IL17RA: variants seen among roughly 807,000 people sequenced by gnomAD.
IL17RA encodes the protein interleukin-17 receptor A.
In IL17RA, 34 loss-of-function variants were observed where a neutral mutation model predicts 50.4. The observed-to-expected ratio is 0.67, with a 90% CI of 0.51 to 0.90. IL17RA has a LOEUF of 0.90. IL17RA is among the 40% of genes least tolerant of loss of function. IL17RA has a pLI of 0.00. For synonymous variants in IL17RA, 585 were observed against 510.4 expected (o/e 1.15, Z -1.97); for missense variants, 1,276 against 1,169.8 (o/e 1.09, Z -1.32).
In IL17RA at chr22:17,095,575, A is replaced by G. The variant is rs184586337; in HGVS notation, c.139-1487A>G. Among the ~76,000 whole-genome samples, 382 of 152,248 alleles carry G rather than the reference A, an allele frequency of 2.5e-3. 3 individuals carry two copies. Among genetic ancestry groups the G allele is most frequent in the Non-Finnish European group, 3.8e-3 (259 of 68,010 alleles). On this transcript the variant is annotated intron_variant, in intron 1 of 12. Transcript: ENST00000319363. ...TTTGCCTTCTCTAGAAGAGTTCCCC[A>G]TCTCAAGGTGAAATAACCGCTTTTT...
rs1304084287 is a variant in IL17RA at position 17,108,523 on chromosome 22, A to G, written c.1304A>G (p.Glu435Gly). 1.9e-6 allele frequency: 3 copies of G among 1,611,274 alleles called. No homozygotes were observed. Among genetic ancestry groups the G allele is most frequent in the Admixed American group, 1.7e-5 (1 of 60,008 alleles). The change falls in exon 13 of 13, where the codon GAG (glutamate) becomes GGG (glycine). Residue 435 changes from glutamate (E) to glycine (G), a missense_variant. Glu to Gly is a moderately conservative substitution (Grantham distance 98, BLOSUM62 -2). Coordinates refer to ENST00000319363, the MANE Select transcript of IL17RA (RefSeq NM_014339.7). Reference protein sequence around the residue: ...VMTWVGRQKQEMVESNSKIIV... With the variant: ...VMTWVGRQKQGMVESNSKIIV... ...ACCTGGGTGGGCCGTCAGAAGCAGG[A>G]GATGGTGGAGAGCAACTCTAAGATC...
Position 17,110,121 on chromosome 22 carries a change from G to A in IL17RA, c.*301G>A, listed in dbSNP as rs13054753. On this transcript the variant is annotated 3_prime_UTR_variant, in exon 13 of 13. Transcript: ENST00000319363. ...TTATTGTGCACCTACTATGTGGCGG[G>A]CATTTGGGATACCAAGATAAATTGC... 0.015 allele frequency: 6,547 copies of A among 432,654 alleles called. 81 individuals are homozygous for A. The highest frequency in any genetic ancestry group is 0.048 in the Middle Eastern group (69 of 1,432). 26.8% of individuals were successfully genotyped at this position (432,654 alleles called of 1,614,324 possible). A position where few individuals can be genotyped will look rare whatever the true frequency, so the allele number is the denominator to read the frequency against.
At chr22:17,106,719 G>A (rs1021703791) in intron 11 of IL17RA, among the ~76,000 whole-genome samples, 1 of 152,152 alleles carries the variant, frequency 6.6e-6, no homozygotes, top group Non-Finnish European at 1.5e-5. Context: ...AGGATTAGGT[G>A]TTAATCATTA....
At chr22:17,100,187 A>G (rs1360935883) in intron 4 of IL17RA, among the ~76,000 whole-genome samples, 168 bp from the exon 5 acceptor site, 1 of 151,714 alleles carries the variant, frequency 6.6e-6, no homozygotes, top group African/African-American at 2.4e-5. Flanking sequence ...AGAGGAAACA[A>G]AAAACAAAGA....
intron 9 of IL17RA, 70 bp downstream of exon 9, chr22:17,104,880 C>A: frequency 7.0e-7 from 1 of 1,427,946 alleles, no homozygotes; most frequent in East Asian, 2.3e-5. Context: ...GCCTGTGCTG[C>A]GTCCTTACCT....
chr22:17,108,631 A>G lies in IL17RA; in HGVS notation c.1412A>G (p.His471Arg), dbSNP rs138446583. 2.1e-4 allele frequency: 344 copies of G among 1,605,454 alleles called. 3 individuals carry two copies. In the African/African-American group the frequency reaches 3.3e-3, roughly 15 times the overall value. The change falls in exon 13 of 13, where the codon CAC becomes CGC. Residue 471 changes from histidine (H) to arginine (R), a missense_variant. His to Arg is a conservative substitution (Grantham distance 29). Coordinates refer to ENST00000319363, the MANE Select transcript of IL17RA (RefSeq NM_014339.7). ...GCGCCTGTGCGGCTGCGCTGCGACC[A>G]CGGAAAGCCCGTGGGGGACCTGTTC... Reference protein sequence around the residue: ...RGAPVRLRCDHGKPVGDLFTA... With the variant: ...RGAPVRLRCDRGKPVGDLFTA...
At chr22:17,094,210 T>C (rs542508095) in intron 1 of IL17RA, among the ~76,000 whole-genome samples, 1 of 152,066 alleles carries the variant, frequency 6.6e-6, no homozygotes, top group South Asian at 2.1e-4. Context: ...GGTCTTAAAC[T>C]CCTGACTTCA....
intron 1 of IL17RA, among the ~76,000 whole-genome samples, chr22:17,089,644 A>T (rs2061340815): frequency 6.6e-6 from 1 of 152,186 alleles, no homozygotes; most frequent in Admixed American, 6.5e-5. Flanking sequence ...AGGCTGAGGC[A>T]AGGGAATCAC....
chr22:17,105,941 C>G lies in IL17RA; in HGVS notation c.1032C>G (p.Thr344=), dbSNP rs753127082. The G allele has an allele frequency of 6.2e-7, 1 of 1,614,020 alleles. No individual in the cohort carries two copies. The highest frequency in any genetic ancestry group is 2.2e-5 in the East Asian group (1 of 44,878). The stretch of plus-strand genomic sequence containing the variant: ...TCATCCTGCTCATCGTCTGCATGAC[C>G]TGGAGGCTAGCTGGTAAGCGCTGGG... ...GSVILLIVCM[T]WRLAGPGSEK... Residue 344 remains threonine (T), a synonymous_variant, in exon 11 of 13, where the codon ACC becomes ACG. Coordinates refer to ENST00000319363, the MANE Select transcript of IL17RA (RefSeq NM_014339.7).
chr22:17,109,714 A>C lies in IL17RA; in HGVS notation c.2495A>C (p.Asp832Ala). The C allele has an allele frequency of 1.3e-6, 2 of 1,586,584 alleles. No individual in the cohort carries two copies. The highest frequency in any genetic ancestry group is 1.7e-6 in the Non-Finnish European group (2 of 1,167,266). ...CCGGCCCTGCCACTCTCTCCCGAGG[A>C]CCTGGAGAGCCTGAGGAGCCTCCAG... ...GKPALPLSPE[D>A]LESLRSLQRQ... Residue 832 changes from aspartate (D) to alanine (A), a missense_variant, in exon 13 of 13, where the codon GAC becomes GCC. Physicochemically the swap from Asp to Ala is moderately radical, Grantham distance 126. Coordinates refer to ENST00000319363, the MANE Select transcript of IL17RA (RefSeq NM_014339.7).
chr22:17,108,937 G>C lies in IL17RA; in HGVS notation c.1718G>C (p.Arg573Thr). Residue 573 changes from arginine (R) to threonine (T), a missense_variant, in exon 13 of 13, where the codon AGG (arginine) becomes ACG (threonine). By Grantham distance (71) the Arg-to-Thr change is moderately conservative (BLOSUM62 -1). Coordinates refer to ENST00000319363, the MANE Select transcript of IL17RA (RefSeq NM_014339.7). ...GGRQLRAALD[R>T]FRDWQVRCPD... ...AGGCAGCTCCGCGCCGCCCTGGACA[G>C]GTTCCGGGACTGGCAGGTCCGCTGT... 3 of 1,611,490 alleles carry C rather than the reference G, an allele frequency of 1.9e-6. No individual in the cohort carries two copies. The highest frequency in any genetic ancestry group is 2.5e-6 in the Non-Finnish European group (3 of 1,179,670).
intron 1 of IL17RA, among the ~76,000 whole-genome samples, chr22:17,090,700 CCT>C (rs1320428901): frequency 6.6e-6 from 1 of 152,082 alleles, no homozygotes; most frequent in Non-Finnish European, 1.5e-5. Context: ...ACCACTTCTC[CCT>C]GTTTTTTATT....
At chr22:17,102,346 C>T (rs761221996) in intron 7 of IL17RA, 44 bp downstream of exon 7, 2 of 1,599,428 alleles carry the variant, frequency 1.3e-6, no homozygotes, top group East Asian at 4.5e-5. Flanking sequence ...CTCAGGACCA[C>T]CCCTCCAAGC....
chr22:17,087,093 A>C (rs777997814), intron 1 of IL17RA, among the ~76,000 whole-genome samples: 3 of 152,358 alleles, frequency 2.0e-5, no homozygotes, highest in Non-Finnish European at 4.4e-5. Context: ...CCTGCCTCAC[A>C]GACAGCTCTT....
chr22:17,098,967 A>G, intron 4 of IL17RA, 80 bp downstream of exon 4: 3 of 1,174,394 alleles, frequency 2.6e-6, no homozygotes. Context: ...TCAGACCCTG[A>G]TTTAGAGTGG....
chr22:17,101,888 G>A lies in IL17RA; in HGVS notation c.551-108G>A, dbSNP rs2061392681. 2.0e-5 allele frequency: 28 copies of A among 1,418,714 alleles called. No individual in the cohort carries two copies. In the South Asian group the frequency reaches 3.1e-4, roughly 16 times the overall value. The allele number at this position is 1,418,714 out of a possible 1,614,324, so 87.9% of individuals were successfully genotyped here. ...GCTCACTCTGAAGGGGCCACCTGCG[G>A]ACAGGCTCCCAGTGGGGAAAAGATT... On this transcript the variant is annotated intron_variant, in intron 5 of 12. Transcript: ENST00000319363.
chr22:17,087,672 A>C (rs1284652097), intron 1 of IL17RA, among the ~76,000 whole-genome samples: 1 of 152,164 alleles, frequency 6.6e-6, no homozygotes, highest in African/African-American at 2.4e-5. Flanking sequence ...TCCCCACAGA[A>C]ATCATTACAC....
At chr22:17,107,360 G>A (rs775496568) in intron 11 of IL17RA, among the ~76,000 whole-genome samples, 2 of 152,342 alleles carry the variant, frequency 1.3e-5, no homozygotes, top group Admixed American at 1.3e-4. Context: ...CTGCCCCCCG[G>A]CACTGGGGGT....
chr22:17,098,328 G>T (rs886388480), intron 3 of IL17RA, among the ~76,000 whole-genome samples: 2 of 152,200 alleles, frequency 1.3e-5, no homozygotes, highest in Non-Finnish European at 2.9e-5. Context: ...GCCTATTCAG[G>T]AATGGAGAGT....
Sources: gnomAD v4.1 joint callset for allele counts (sites outside exome capture counted in the v4.1 genomes callset) on GRCh38, gnomAD v4.1.1 for gene constraint, MANE v1.5 for transcripts, NCBI Gene and HGNC (gene_info 2026-07-23, HGNC 2026-07-21) for gene names.